TEX2: variants seen among roughly 807,000 people sequenced by gnomAD.
The protein encoded by TEX2 is testis expressed 2.
In TEX2, 53 loss-of-function variants were observed where a neutral mutation model predicts 106.9. The ratio of observed to expected loss-of-function variants is 0.50; its 90% confidence interval spans 0.40 to 0.62. The LOEUF (loss-of-function observed/expected upper bound fraction) is 0.62, where lower values mean the gene tolerates loss of function less well. Among genes scored for constraint, TEX2 ranks in the 20% least tolerant of loss-of-function variants. TEX2 has a pLI of 0.00. For missense variants in TEX2, 1,207 were observed against 1,379.0 expected (o/e 0.88, Z 1.98); for synonymous variants, 523 against 534.8 (o/e 0.98, Z 0.30).
At chr17:64,198,152 T>C (rs1598169087) in intron 2 of TEX2, among the ~76,000 whole-genome samples, 1 of 152,016 alleles carries the variant, frequency 6.6e-6, no homozygotes, top group South Asian at 2.1e-4. Context: ...TGGTTCCAAG[T>C]GCAGTTAAAA....
Position 64,243,073 on chromosome 17 carries a change from C to T in TEX2, c.-26+20095G>A, listed in dbSNP as rs1378238823. On this transcript the variant is annotated intron_variant, in intron 1 of 11. Transcript: ENST00000584379. ...CCTCCCGAGTAGCTGGGACTACAGG[C>T]GCACACCACCACACCCGGCTAATTT... Among the ~76,000 whole-genome samples, 8 of 151,988 alleles carry T rather than the reference C, an allele frequency of 5.3e-5. No homozygotes were observed. In the East Asian group the frequency reaches 5.8e-4, roughly 11 times the overall value.
At chr17:64,194,600 G>A (rs2032404624) in intron 3 of TEX2, among the ~76,000 whole-genome samples, 1 of 152,190 alleles carries the variant, frequency 6.6e-6, no homozygotes, top group African/African-American at 2.4e-5. Context: ...AATTCTGAGT[G>A]CACAACACTT....
At chr17:64,250,860 GTTTTTTA>G (rs879971991) in intron 1 of TEX2, among the ~76,000 whole-genome samples, 2 of 151,752 alleles carry the variant, frequency 1.3e-5, no homozygotes, top group Admixed American at 6.6e-5. Context: ...TTTTGTTTTT[GTTTTTTA>G]TTTTTGTAGA....
At position 64,153,257 on chromosome 17, in the gene TEX2, G is replaced by C. The variant is rs185153583; in HGVS notation, c.2931-103C>G. On this transcript the variant is annotated intron_variant, in intron 9 of 11. Coordinates refer to ENST00000584379, the MANE Select transcript of TEX2 (RefSeq NM_001288732.2). This position sits in a 1 kb window ranked among gnomAD's most constrained non-coding sequence, Gnocchi z 4.1. ...CCCTTACTTTAGAGCACCACTCGATGTTTTGGATGTGGTGATTCTGTGTTG... is the reference window on the plus strand; with the variant it reads ...CCCTTACTTTAGAGCACCACTCGATCTTTTGGATGTGGTGATTCTGTGTTG... The C allele has an allele frequency of 5.1e-6, 4 of 781,798 alleles. No homozygotes were observed. In the East Asian group the frequency reaches 1.0e-4, roughly 20 times the overall value. 48.4% of individuals were successfully genotyped at this position (781,798 alleles called of 1,614,324 possible). A position where few individuals can be genotyped will look rare whatever the true frequency, so the allele number is the denominator to read the frequency against.
intron 1 of TEX2, among the ~76,000 whole-genome samples, chr17:64,262,891 A>T (rs548025633): frequency 1.4e-4 from 21 of 152,246 alleles, no homozygotes; most frequent in Non-Finnish European, 2.5e-4. Context: ...CGGGGACCGC[A>T]GGCTGAGGGG....
chr17:64,228,105 T>C (rs2033556487), intron 1 of TEX2, among the ~76,000 whole-genome samples: 1 of 152,304 alleles, frequency 6.6e-6, no homozygotes, highest in East Asian at 1.9e-4. Context: ...CCTTAGGAAA[T>C]ATTTCTAGAA....
At chr17:64,192,985 C>T (rs1200391231) in intron 4 of TEX2, among the ~76,000 whole-genome samples, 1 of 152,188 alleles carries the variant, frequency 6.6e-6, no homozygotes, top group Non-Finnish European at 1.5e-5. Flanking sequence ...CTCATACGTG[C>T]CAGTTTTGCA....
chr17:64,236,168 A>G (rs544844682), intron 1 of TEX2, among the ~76,000 whole-genome samples: 1 of 152,310 alleles, frequency 6.6e-6, no homozygotes, highest in Non-Finnish European at 1.5e-5. Flanking sequence ...TCGGGGAAAA[A>G]AAAATACAAC....
chr17:64,213,018 T>G lies in TEX2; in HGVS notation c.1200A>C (p.Leu400=). 1 of 1,614,234 alleles carries G rather than the reference T, an allele frequency of 6.2e-7. No individual in the cohort carries two copies. The highest frequency in any genetic ancestry group is 8.5e-7 in the Non-Finnish European group (1 of 1,180,042). Residue 400 remains leucine, a synonymous_variant, in exon 2 of 12, where the codon CTA becomes CTC. Transcript: ENST00000584379. This position sits in a 1 kb window ranked among gnomAD's most constrained non-coding sequence, Gnocchi z 4.4. ...CAGACAAAGAACATTTCTCCAGAAC[T>G]AGAGAACTTGTCTTCAGGCCTAAAT... ...LKDLGLKTSS[L]VLEKCSLSAL...
intron 1 of TEX2, among the ~76,000 whole-genome samples, chr17:64,240,089 G>T (rs2033857442): frequency 6.6e-6 from 1 of 151,854 alleles, no homozygotes; most frequent in Non-Finnish European, 1.5e-5. Context: ...GATAAATGAG[G>T]GGGAAAATAC....
At chr17:64,247,064 G>A (rs534591235) in intron 1 of TEX2, among the ~76,000 whole-genome samples, 15 of 151,974 alleles carry the variant, frequency 9.9e-5, no homozygotes, top group Middle Eastern at 6.8e-3. Flanking sequence ...GATCACCTGA[G>A]GTCAGGAGTT....
At chr17:64,242,330 A>G (rs144364732) in intron 1 of TEX2, 6 of 152,368 alleles carry the variant, frequency 3.9e-5, no homozygotes, top group East Asian at 3.9e-4. Context: ...GGACTATAAC[A>G]TGGTAATTCT....
chr17:64,147,427 T>C lies in TEX2; in HGVS notation c.*1542A>G, dbSNP rs2030091370. 6.6e-6 allele frequency: 1 copy of C among 152,168 alleles called. No homozygotes were observed. Among genetic ancestry groups the C allele is most frequent in the Non-Finnish European group, 1.5e-5 (1 of 68,034 alleles). 9.4% of individuals were successfully genotyped at this position (152,168 alleles called of 1,614,324 possible). The stretch of plus-strand genomic sequence containing the variant: ...CAGGATTCCGTAGAAATGACTTAGA[T>C]GCTTATCTAGTATTTGACATTGAGA... On this transcript the variant is annotated 3_prime_UTR_variant, in exon 12 of 12. Coordinates refer to ENST00000584379, the MANE Select transcript of TEX2 (RefSeq NM_001288732.2).
chr17:64,177,897 A>G (rs2031678556), intron 5 of TEX2, among the ~76,000 whole-genome samples: 1 of 152,196 alleles, frequency 6.6e-6, no homozygotes, highest in South Asian at 2.1e-4. Flanking sequence ...CAGTTCCCCA[A>G]TGGCCAGGAC....
rs34662141 is a variant in TEX2, at chr17:64,161,741, T to C, written c.2672-808A>G. On this transcript the variant is annotated intron_variant, in intron 7 of 11. Coordinates refer to ENST00000584379, the MANE Select transcript of TEX2 (RefSeq NM_001288732.2). ...GACCCTCTTCTACTTGAGGATTCTA[T>C]GATTTGTCAAGTATTTTTCTGTGAT... Among the ~76,000 whole-genome samples, 549 of 152,148 alleles carry C rather than the reference T, an allele frequency of 3.6e-3. 2 individuals carry two copies. The highest frequency in any genetic ancestry group is 6.8e-3 in the Middle Eastern group (2 of 294).
At chr17:64,168,668 A>G (rs1598131651) in intron 7 of TEX2, among the ~76,000 whole-genome samples, 1 of 152,206 alleles carries the variant, frequency 6.6e-6, no homozygotes, top group Non-Finnish European at 1.5e-5. Context: ...CAGTCCTGAG[A>G]TAAGAGGCTG....
At chr17:64,171,515 C>CGTT (rs1419014612) in intron 6 of TEX2, among the ~76,000 whole-genome samples, 2 of 151,938 alleles carry the variant, frequency 1.3e-5, no homozygotes, top group African/African-American at 4.8e-5. Flanking sequence ...AGAGGGAACA[C>CGTT]GGGGGTGGCT....
intron 7 of TEX2, among the ~76,000 whole-genome samples, chr17:64,169,096 A>C (rs538988957): frequency 6.6e-6 from 1 of 152,036 alleles, no homozygotes; most frequent in East Asian, 1.9e-4. Context: ...TGGAGTGCAG[A>C]GGCACAGTCT....
At chr17:64,243,047 G>A (rs975394268) in intron 1 of TEX2, among the ~76,000 whole-genome samples, 4 of 151,302 alleles carry the variant, frequency 2.6e-5, no homozygotes, top group Non-Finnish European at 5.9e-5. Context: ...TTCTGCCTCC[G>A]CCTCCCGAGT....
Sources: allele counts gnomAD v4.1 joint callset (sites outside exome capture counted in the v4.1 genomes callset), GRCh38; gene constraint gnomAD v4.1.1; non-coding constraint Gnocchi (gnomAD v3.1); transcripts MANE v1.5; gene names NCBI Gene and HGNC (gene_info 2026-07-23, HGNC 2026-07-21).